The following KEL variants were observed in gnomAD, a reference collection of about 807,000 sequenced individuals.
KEL encodes kell blood group glycoprotein.
In KEL, 96 loss-of-function variants were observed where a neutral mutation model predicts 99.5. The observed-to-expected ratio is 0.97, with a 90% confidence interval of 0.82 to 1.14. The LOEUF (loss-of-function observed/expected upper bound fraction) is 1.14. KEL is among the 50% of genes most tolerant of loss of function. KEL has a pLI of 0.00. For missense variants in KEL, 926 were observed against 924.2 expected (o/e 1.00, Z -0.03); for synonymous variants, 355 against 354.8 (o/e 1.00, Z -0.01).
rs925374641 is a variant in KEL at position 142,943,062 on chromosome 7, A to G, written c.1772-18T>C. On this transcript the variant is annotated intron_variant, in intron 16 of 18. Transcript: ENST00000355265. ...AGGCAGTACTGTTGAAAATGGGACA[A>G]GAGAACATACAGCAAGAGAACATAG... 2 of 1,613,518 alleles carry G rather than the reference A, an allele frequency of 1.2e-6. No homozygotes were observed. Among genetic ancestry groups the G allele is most frequent in the Admixed American group, 1.7e-5 (1 of 60,004 alleles).
chr7:142,951,132 G>T (rs1298411827), intron 10 of KEL, among the ~76,000 whole-genome samples: 1 of 152,218 alleles, frequency 6.6e-6, no homozygotes, highest in African/African-American at 2.4e-5. Flanking sequence ...TTTGTTGGCA[G>T]AGATTAGTTC....
intron 10 of KEL, among the ~76,000 whole-genome samples, chr7:142,948,904 A>T (rs1796602012): frequency 6.6e-6 from 1 of 151,270 alleles, no homozygotes; most frequent in South Asian, 2.1e-4. Flanking sequence ...TCACAGACAC[A>T]CACACACACA....
At chr7:142,954,566 G>A (rs1324163845) in intron 6 of KEL, 39 bp from the exon 7 acceptor site, 8 of 1,597,476 alleles carry the variant, frequency 5.0e-6, no homozygotes, top group Non-Finnish European at 6.9e-6. Context: ...AGGGAGCATG[G>A]CGGATGGAGA....
intron 10 of KEL, among the ~76,000 whole-genome samples, chr7:142,946,801 T>C (rs2116650620): frequency 6.6e-6 from 1 of 152,308 alleles, no homozygotes; most frequent in Non-Finnish European, 1.5e-5. Context: ...GGGCATGGTG[T>C]ATCATACTGT....
Position 142,943,842 on chromosome 7 carries a change from A to C in KEL, c.1533T>G (p.Cys511Trp), listed in dbSNP as rs1328766365. ...CAATTCTAGCTCGGAGGGACCGGAC[A>C]CAGCTCAGGACAGACTGCAGGAAGC... ...GSSFLQSVLS[C>W]VRSLRARIVQ... Residue 511 changes from cysteine (C) to tryptophan (W), a missense_variant, in exon 14 of 19, where the codon TGT becomes TGG. Cys to Trp is a radical substitution (Grantham distance 215, BLOSUM62 -2). Coordinates refer to ENST00000355265, the MANE Select transcript of KEL (RefSeq NM_000420.3). The C allele has an allele frequency of 6.2e-7, 1 of 1,614,182 alleles. No individual in the cohort carries two copies. The highest frequency in any genetic ancestry group is 8.5e-7 in the Non-Finnish European group (1 of 1,180,026).
At chr7:142,962,089 C>T (rs746027640) in intron 1 of KEL, 115 bp downstream of exon 1, 8 of 1,613,596 alleles carry the variant, frequency 5.0e-6, no homozygotes, top group African/African-American at 4.0e-5. Flanking sequence ...CCCTCTCTCC[C>T]CACCTTTCTA....
chr7:142,942,067 C>A, intron 18 of KEL: 1 of 287,688 alleles, frequency 3.5e-6, no homozygotes, highest in Non-Finnish European at 6.6e-6. Context: ...CCTCGGCCTC[C>A]TAGAGTGCCA....
chr7:142,944,498 C>T, intron 12 of KEL, 98 bp from the exon 13 acceptor site: 1 of 1,233,712 alleles, frequency 8.1e-7, no homozygotes, highest in South Asian at 1.2e-5. Flanking sequence ...ACATTGTTGC[C>T]AGTGTGAGTA....
At position 142,942,476 on chromosome 7, in the gene KEL, C is replaced by G. The variant is rs374739410; in HGVS notation, c.1995G>C (p.Leu665=). ...AGAAGATCTGCTGGGGGCTGAGGTC[C>G]AGGCTGGGCAGGACAGTCTCCCCAT... ...RHHGETVLPS[L]DLSPQQIFFR... Residue 665 remains leucine, a synonymous_variant, in exon 18 of 19, where the codon CTG becomes CTC. Transcript: ENST00000355265. The G allele has an allele frequency of 3.1e-6, 5 of 1,609,396 alleles. No individual in the cohort carries two copies. The African/African-American group carries it at 6.7e-5, about 21-fold the overall frequency.
Position 142,953,959 on chromosome 7 carries a change from T to G in KEL, c.925-3A>C. On this transcript the variant is annotated splice_region_variant and splice_polypyrimidine_tract_variant and intron_variant, in intron 8 of 18. Coordinates refer to ENST00000355265, the MANE Select transcript of KEL (RefSeq NM_000420.3). ...CAGTCGATGGCGGGGGCCATTTCCT[T>G]AGAGGAGGGACACAAAGCTGAGGGG... The G allele has an allele frequency of 3.7e-6, 6 of 1,613,566 alleles. No individual in the cohort carries two copies. The highest frequency in any genetic ancestry group is 5.1e-6 in the Non-Finnish European group (6 of 1,179,756).
chr7:142,944,334 C>G lies in KEL; in HGVS notation c.1480G>C (p.Glu494Gln), dbSNP rs1796453925. ...WALKPELARQ[E>Q]YNDIQLGSSF... ...ACACAGGGACCCACATCGTTGTATT[C>G]TTGTCGGGCCAGCTCTGGCTTCAGG... Residue 494 changes from glutamate (E) to glutamine (Q), a missense_variant, in exon 13 of 19, where the codon GAA becomes CAA. Glu to Gln is a conservative substitution (Grantham distance 29, BLOSUM62 2). Transcript: ENST00000355265. The G allele has an allele frequency of 1.2e-6, 2 of 1,613,852 alleles. No homozygotes were observed. The highest frequency in any genetic ancestry group is 1.7e-6 in the Non-Finnish European group (2 of 1,179,746).
chr7:142,944,102 T>C (rs7797896), intron 13 of KEL, among the ~76,000 whole-genome samples: 17,919 of 152,170 alleles, frequency 0.12, 1,980 homozygotes, highest in African/African-American at 0.29. Flanking sequence ...ACAGGATGCA[T>C]GCATGTGTGT....
intron 10 of KEL, among the ~76,000 whole-genome samples, chr7:142,949,814 A>G (rs1295690743): frequency 6.6e-6 from 1 of 152,248 alleles, no homozygotes; most frequent in Admixed American, 6.5e-5. Flanking sequence ...TGGGCTGAAT[A>G]TAAATCATTC....
At position 142,952,513 on chromosome 7, in the gene KEL, G is replaced by C; in HGVS notation, c.1199C>G (p.Pro400Arg). 1.2e-5 allele frequency: 19 copies of C among 1,613,848 alleles called. No homozygotes were observed. Among genetic ancestry groups the C allele is most frequent in the Non-Finnish European group, 1.6e-5 (19 of 1,180,014 alleles). The change falls in exon 10 of 19, where the codon CCC becomes CGC. Residue 400 changes from proline to arginine, a missense_variant. Physicochemically the swap from Pro to Arg is moderately radical, Grantham distance 103. Transcript: ENST00000355265. ...TACACCCGCTCCTCTCCTCACCATGGGTGGTTGCTCTGTCAGTTCCCGCAG... is the reference window on the plus strand; with the variant it reads ...TACACCCGCTCCTCTCCTCACCATGCGTGGTTGCTCTGTCAGTTCCCGCAG... ...QKLRELTEQP[P>R]MPARPRWMKC...
chr7:142,961,889 G>A lies in KEL; in HGVS notation c.4-17C>T, dbSNP rs761601012. ...CCCACCTTCCTGAAGTGAGTGGAGG[G>A]AGAAGGAGGAGAGAGAAGCTGGTTC... is the stretch of plus-strand genomic sequence containing the variant. On this transcript the variant is annotated splice_polypyrimidine_tract_variant and intron_variant, in intron 1 of 18. Coordinates refer to ENST00000355265, the MANE Select transcript of KEL (RefSeq NM_000420.3). 1 of 1,612,850 alleles carries A rather than the reference G, an allele frequency of 6.2e-7. No homozygotes were observed. Among genetic ancestry groups the A allele is most frequent in the Non-Finnish European group, 8.5e-7 (1 of 1,178,862 alleles).
At chr7:142,958,960 C>A (rs1237674672) in intron 4 of KEL, among the ~76,000 whole-genome samples, 2 of 152,084 alleles carry the variant, frequency 1.3e-5, no homozygotes, top group Non-Finnish European at 2.9e-5. Flanking sequence ...CTGGAAGCCA[C>A]CCCCACCCCT....
At chr7:142,957,073 C>G (rs1388824231) in intron 6 of KEL, among the ~76,000 whole-genome samples, 1 of 152,178 alleles carries the variant, frequency 6.6e-6, no homozygotes, top group Non-Finnish European at 1.5e-5. Flanking sequence ...TCACAATCTT[C>G]AACACAGAGT....
intron 11 of KEL, 158 bp downstream of exon 11, chr7:142,946,049 G>A: frequency 1.5e-6 from 1 of 648,922 alleles, no homozygotes; most frequent in Non-Finnish European, 2.8e-6. Context: ...ACCAGGGATG[G>A]AGCAGGCCTT....
At position 142,961,681 on chromosome 7, in the gene KEL, C is replaced by G. The variant is rs1796963309; in HGVS notation, c.81+114G>C. On this transcript the variant is annotated intron_variant, in intron 2 of 18. Transcript: ENST00000355265. ...TGGGAGATGAGAAAACAAGGAATGT[C>G]AACTGTTTTGGGTGAGGATGAAGCA... 4.7e-6 allele frequency: 6 copies of G among 1,282,274 alleles called. No individual in the cohort carries two copies. The Admixed American group carries it at 1.0e-4, about 22-fold the overall frequency. 79.4% of individuals were successfully genotyped at this position (1,282,274 alleles called of 1,614,324 possible).
Sources: allele counts gnomAD v4.1 joint callset (sites outside exome capture counted in the v4.1 genomes callset), GRCh38; gene constraint gnomAD v4.1.1; transcripts MANE v1.5; gene names NCBI Gene and HGNC (gene_info 2026-07-23, HGNC 2026-07-21).